The following LARGE1 variants were observed in gnomAD, a reference collection of about 807,000 sequenced individuals.
The protein encoded by LARGE1 is LARGE xylosyl- and glucuronyltransferase 1.
A neutral mutation model predicts 87.6 loss-of-function variants in LARGE1; 43 were observed. The observed-to-expected ratio is 0.49, with a 90% CI of 0.38 to 0.63. The LOEUF is 0.63. LARGE1 is among the 30% of genes least tolerant of loss of function. LARGE1 has a pLI of 0.00. For synonymous variants in LARGE1, 434 were observed against 394.6 expected (o/e 1.10, Z -1.18); for missense variants, 802 against 1,000.2 (o/e 0.80, Z 2.67).
intron 11 of LARGE1, among the ~76,000 whole-genome samples, chr22:33,250,853 T>C (rs1327167535): frequency 6.6e-6 from 1 of 152,230 alleles, no homozygotes; most frequent in East Asian, 1.9e-4. Context: ...TAAATCTTAC[T>C]TGATGGTGTA....
intron 1 of LARGE1, among the ~76,000 whole-genome samples, chr22:33,783,433 C>T (rs988167107): frequency 2.0e-5 from 3 of 151,888 alleles, no homozygotes; most frequent in East Asian, 3.9e-4. Flanking sequence ...GGCATGGTGG[C>T]GGGTGCCTGT....
At chr22:33,427,292 T>TC (rs765978199) in intron 7 of LARGE1, among the ~76,000 whole-genome samples, 17 of 152,190 alleles carry the variant, frequency 1.1e-4, no homozygotes, top group Non-Finnish European at 2.1e-4. Context: ...GGCAAGAGCT[T>TC]CATGCTAGGA....
chr22:33,339,154 T>TA (rs1182760420), intron 9 of LARGE1, among the ~76,000 whole-genome samples: 8,663 of 99,088 alleles, frequency 0.087, 483 homozygotes, highest in African/African-American at 0.18. Context: ...TCTCAAAAAA[T>TA]AAAAAAAAAA....
chr22:33,198,317 G>A (rs1021446041), intron 11 of LARGE1, among the ~76,000 whole-genome samples: 10 of 105,842 alleles, frequency 9.4e-5, no homozygotes, highest in Admixed American at 7.9e-4. Flanking sequence ...TGCAAGCTAT[G>A]ACATAAAATG....
intron 4 of LARGE1, among the ~76,000 whole-genome samples, chr22:33,615,358 T>C (rs1457014579): frequency 6.6e-6 from 1 of 152,132 alleles, no homozygotes; most frequent in Non-Finnish European, 1.5e-5. Flanking sequence ...CATAATTACC[T>C]GGAAGTTAGG....
intron 1 of LARGE1, among the ~76,000 whole-genome samples, chr22:33,919,128 C>T (rs1350046335): frequency 6.7e-6 from 1 of 148,940 alleles, no homozygotes; most frequent in East Asian, 2.0e-4. Context: ...AAGAGTCCAA[C>T]CCCATTAAAC....
chr22:33,852,617 C>A (rs1054700192), intron 1 of LARGE1, among the ~76,000 whole-genome samples: 3 of 151,920 alleles, frequency 2.0e-5, no homozygotes, highest in Non-Finnish European at 4.4e-5. Flanking sequence ...GAGGCCAAGG[C>A]GGGCAGATTG....
At chr22:33,099,039 CCAT>C in the LARGE1 span, among the ~76,000 whole-genome samples, 3 of 152,110 alleles carry the variant, frequency 2.0e-5, no homozygotes, top group Non-Finnish European at 4.4e-5. Context: ...TTTGAGTTAC[CCAT>C]CATCAAGTTT....
intron 2 of LARGE1, among the ~76,000 whole-genome samples, chr22:33,655,623 A>C (rs2080937644): frequency 6.6e-6 from 1 of 152,090 alleles, no homozygotes; most frequent in African/African-American, 2.4e-5. Flanking sequence ...TGCTTCTCTA[A>C]AGAGCCCTGA....
At chr22:33,909,522 G>GTT (rs113177754) in intron 1 of LARGE1, among the ~76,000 whole-genome samples, 84 of 143,226 alleles carry the variant, frequency 5.9e-4, no homozygotes, top group Non-Finnish European at 7.9e-4. Flanking sequence ...TTCTTCTTTT[G>GTT]TTTTTTTTTT....
chr22:33,359,450 C>T (rs927737467), intron 9 of LARGE1, among the ~76,000 whole-genome samples: 5 of 151,470 alleles, frequency 3.3e-5, no homozygotes, highest in African/African-American at 1.2e-4. Flanking sequence ...AACTCCTTTT[C>T]ATCTTTTGAG....
rs116177817 is a variant in LARGE1 at position 33,383,910 on chromosome 22, C to T, written c.1005+282G>A. Among the ~76,000 whole-genome samples, 1,511 of 152,328 alleles carry T rather than the reference C, an allele frequency of 9.9e-3. 16 individuals are homozygous for T. Among genetic ancestry groups the T allele is most frequent in the African/African-American group, 0.035 (1,445 of 41,574 alleles). Reference sequence around the variant, plus strand: ...ACGCTAAGCTCTATGAGGGCAAGTGCTGCATCCTTCGTCTATCTCTGTCAT... The same window carrying T: ...ACGCTAAGCTCTATGAGGGCAAGTGTTGCATCCTTCGTCTATCTCTGTCAT... On this transcript the variant is annotated intron_variant, in intron 8 of 14. Transcript: ENST00000397394.
chr22:33,722,542 G>C (rs1298941470), intron 2 of LARGE1, among the ~76,000 whole-genome samples: 1 of 152,192 alleles, frequency 6.6e-6, no homozygotes, highest in African/African-American at 2.4e-5. Context: ...GAGCACCTAT[G>C]ATGTGCATGG....
At chr22:33,719,658 C>T (rs2083028495) in intron 2 of LARGE1, among the ~76,000 whole-genome samples, 1 of 151,928 alleles carries the variant, frequency 6.6e-6, no homozygotes, top group Admixed American at 6.6e-5. Flanking sequence ...GTAGCTGGGA[C>T]TACAGGTGCC....
intron 5 of LARGE1, among the ~76,000 whole-genome samples, chr22:33,591,222 C>A (rs34890173): frequency 0.074 from 11,320 of 152,196 alleles, 502 homozygotes; most frequent in African/African-American, 0.11. Context: ...AAAAAAGCTA[C>A]CAAGCTGTTT....
intron 6 of LARGE1, among the ~76,000 whole-genome samples, chr22:33,541,626 T>C (rs937274689): frequency 6.6e-6 from 1 of 152,178 alleles, no homozygotes; most frequent in Non-Finnish European, 1.5e-5. Flanking sequence ...TAGTCAATTC[T>C]TGTTTTTTCC....
chr22:33,546,005 C>T (rs1032223781), intron 6 of LARGE1, among the ~76,000 whole-genome samples: 4 of 152,180 alleles, frequency 2.6e-5, no homozygotes, highest in South Asian at 2.1e-4. Flanking sequence ...ATTGGATGCT[C>T]GGTTTTGGTT....
chr22:33,597,131 C>A lies in LARGE1; in HGVS notation c.615+7304G>T, dbSNP rs2078998124. Among the ~76,000 whole-genome samples the A allele has an allele frequency of 2.6e-5, 4 of 152,296 alleles. No homozygotes were observed. In the South Asian group the frequency reaches 8.3e-4, roughly 32 times the overall value. On this transcript the variant is annotated intron_variant, in intron 5 of 14. Coordinates refer to ENST00000397394, the MANE Select transcript of LARGE1 (RefSeq NM_133642.5). ...TTCGTCACAGCACCTGAAGTTCAAC[C>A]ATTGTTAAGTGTGGTCCCCACTGAA...
chr22:33,493,065 C>A (rs1318198142), intron 6 of LARGE1, among the ~76,000 whole-genome samples: 1 of 151,778 alleles, frequency 6.6e-6, no homozygotes, highest in Non-Finnish European at 1.5e-5. Flanking sequence ...AGTAGCAGTG[C>A]TCTGGCACAT....
Sources: gnomAD v4.1 joint callset for allele counts (sites outside exome capture counted in the v4.1 genomes callset) on GRCh38, gnomAD v4.1.1 for gene constraint, MANE v1.5 for transcripts, NCBI Gene and HGNC (gene_info 2026-07-23, HGNC 2026-07-21) for gene names.